Variants in TCF7L2 observed in about 807,000 individuals in gnomAD.
TCF7L2 encodes the protein transcription factor 7 like 2.
In TCF7L2, 23 loss-of-function variants were observed where a neutral mutation model predicts 77.9. That is an observed-to-expected ratio of 0.30 (90% CI 0.21 to 0.42). TCF7L2 has a LOEUF of 0.42. Ranked by LOEUF, TCF7L2 falls within the 10% of genes least tolerant of loss-of-function variation. The pLI is 1.00. For synonymous variants in TCF7L2, 413 were observed against 340.2 expected (o/e 1.21, Z -2.36); for missense variants, 654 against 793.1 (o/e 0.82, Z 2.11).
chr10:112,991,422 G>A lies in TCF7L2; in HGVS notation c.450+26798G>A, dbSNP rs1325016091. ...GCTCGGGAGTCTGAGGCAGGAGAAT[G>A]GCGTGAACCCGGGAGGCGGAGCTTG... On this transcript the variant is annotated intron_variant, in intron 4 of 13. Coordinates refer to ENST00000627217, the MANE Select transcript of TCF7L2 (RefSeq NM_001146274.2). Among the ~76,000 whole-genome samples the A allele has an allele frequency of 2.8e-5, 4 of 144,100 alleles. No homozygotes were observed. In the East Asian group the frequency reaches 7.8e-4, roughly 28 times the overall value. 94.5% of individuals were successfully genotyped at this position (144,100 alleles called of 152,430 possible).
intron 5 of TCF7L2, among the ~76,000 whole-genome samples, chr10:113,096,419 A>G (rs2060978872): frequency 1.3e-5 from 2 of 152,202 alleles, no homozygotes. Context: ...GGCCTGTCCT[A>G]TGGACCTTAT....
At chr10:113,064,492 G>A (rs1390943802) in intron 5 of TCF7L2, among the ~76,000 whole-genome samples, 1 of 152,140 alleles carries the variant, frequency 6.6e-6, no homozygotes, top group Non-Finnish European at 1.5e-5. Flanking sequence ...CTTTTATAAG[G>A]CAAATGCACA....
At chr10:113,035,634 C>T (rs945540935) in intron 4 of TCF7L2, among the ~76,000 whole-genome samples, 2 of 152,218 alleles carry the variant, frequency 1.3e-5, no homozygotes, top group Admixed American at 6.5e-5. Flanking sequence ...TGGCCTTAAG[C>T]AATCTTCCGG....
intron 5 of TCF7L2, among the ~76,000 whole-genome samples, chr10:113,051,040 A>G (rs1384961635): frequency 2.0e-5 from 3 of 148,690 alleles, no homozygotes; most frequent in Admixed American, 1.3e-4. Context: ...CTCCACCCTC[A>G]CTCTTTTTGT....
rs2137658759 is a variant in TCF7L2 at position 113,165,984 on chromosome 10, T to C, written c.*12T>C. 6.7e-7 allele frequency: 1 copy of C among 1,487,266 alleles called. No individual in the cohort carries two copies. Among genetic ancestry groups the C allele is most frequent in the African/African-American group, 1.4e-5 (1 of 71,228 alleles). The allele number at this position is 1,487,266 out of a possible 1,614,324, so 92.1% of individuals were successfully genotyped here. ...AGTCTTTAGAATAGCTTTAGCGTCG[T>C]GAACCCCGCTGCTTTGTTTATGGTT... On this transcript the variant is annotated 3_prime_UTR_variant, in exon 14 of 14. Coordinates refer to ENST00000627217, the MANE Select transcript of TCF7L2 (RefSeq NM_001146274.2).
Position 113,151,684 on chromosome 10 carries a change from G to T in TCF7L2, c.1002-41G>T. ...CCTGCCATGGAGGAAGTTGGACCAC[G>T]ACCTTGTTTATTGGGTTGCGTCTGT... On this transcript the variant is annotated intron_variant, in intron 9 of 13. Transcript: ENST00000627217. The surrounding 1 kb of genome is among the most constrained non-coding windows in gnomAD (Gnocchi z 5.2). The T allele has an allele frequency of 6.5e-7, 1 of 1,547,150 alleles. No individual in the cohort carries two copies. The highest frequency in any genetic ancestry group is 1.3e-5 in the South Asian group (1 of 76,872).
At chr10:113,044,587 G>C (rs146259135) in intron 5 of TCF7L2, among the ~76,000 whole-genome samples, 1 of 152,210 alleles carries the variant, frequency 6.6e-6, no homozygotes, top group Non-Finnish European at 1.5e-5. Context: ...AAAGAGTAGG[G>C]GGCCCATGAG....
intron 4 of TCF7L2, among the ~76,000 whole-genome samples, chr10:112,965,651 G>A (rs1589761668): frequency 6.6e-6 from 1 of 151,514 alleles, no homozygotes; most frequent in South Asian, 2.1e-4. Context: ...GTGTGTGTGT[G>A]TGTGTGTGTG....
chr10:112,964,816 G>GTGGT (rs1331506565), intron 4 of TCF7L2, among the ~76,000 whole-genome samples, 192 bp downstream of exon 4: 2 of 148,174 alleles, frequency 1.3e-5, no homozygotes, highest in East Asian at 2.1e-4. Flanking sequence ...TGGTGGTGGG[G>GTGGT]GGGGGTTGAA....
At chr10:112,954,663 A>G (rs1397775104) in intron 3 of TCF7L2, among the ~76,000 whole-genome samples, 2 of 152,234 alleles carry the variant, frequency 1.3e-5, no homozygotes, top group African/African-American at 4.8e-5. Context: ...AAAGATAAGA[A>G]TACTGTAACC....
intron 5 of TCF7L2, among the ~76,000 whole-genome samples, chr10:113,040,838 T>G (rs1357894255): frequency 1.3e-5 from 2 of 152,204 alleles, no homozygotes; most frequent in Non-Finnish European, 2.9e-5. Flanking sequence ...TAGCTCAGCC[T>G]TATTTGAAGA....
intron 5 of TCF7L2, among the ~76,000 whole-genome samples, chr10:113,121,379 C>G (rs1303618279): frequency 6.6e-6 from 1 of 152,232 alleles, no homozygotes; most frequent in Admixed American, 6.5e-5. Flanking sequence ...GATCAATCCT[C>G]TCGACATGAC....
intron 5 of TCF7L2, among the ~76,000 whole-genome samples, chr10:113,089,175 C>A (rs1269595201): frequency 6.6e-6 from 1 of 152,018 alleles, no homozygotes; most frequent in Non-Finnish European, 1.5e-5. Flanking sequence ...AGGAAGGCTG[C>A]CTGGAGGAGG....
At position 113,026,343 on chromosome 10, in the gene TCF7L2, T is replaced by G. The variant is rs537378465; in HGVS notation, c.451-13682T>G. ...ATTTTTTTTTTTTAAGTATTTTTAG[T>G]AGAGACAGAGTTTCAACAAGTTGGT... On this transcript the variant is annotated intron_variant, in intron 4 of 13. Coordinates refer to ENST00000627217, the MANE Select transcript of TCF7L2 (RefSeq NM_001146274.2). 6.0e-4 allele frequency among the ~76,000 whole-genome samples: 91 copies of G among 151,692 alleles called. 1 individual carries two copies. The South Asian group carries it at 0.019, about 32-fold the overall frequency.
At chr10:113,002,008 A>G (rs1480054925) in intron 4 of TCF7L2, among the ~76,000 whole-genome samples, 3 of 152,274 alleles carry the variant, frequency 2.0e-5, no homozygotes, top group African/African-American at 7.2e-5. Flanking sequence ...CAGTTTCTTC[A>G]TCTGTGAAAT....
intron 4 of TCF7L2, among the ~76,000 whole-genome samples, chr10:113,008,131 GTTTAA>G (rs2045889435): frequency 6.6e-6 from 1 of 152,178 alleles, no homozygotes; most frequent in Non-Finnish European, 1.5e-5. Context: ...TTTGGTTGTT[GTTTAA>G]TTTAACATTT....
At chr10:113,024,700 ACCT>A (rs2048836247) in intron 4 of TCF7L2, among the ~76,000 whole-genome samples, 1 of 146,388 alleles carries the variant, frequency 6.8e-6, no homozygotes, top group Non-Finnish European at 1.5e-5. Context: ...GCTCACTGCA[ACCT>A]CTACCTCCCA....
chr10:112,980,258 C>T (rs1451492563), intron 4 of TCF7L2, among the ~76,000 whole-genome samples: 1 of 152,188 alleles, frequency 6.6e-6, no homozygotes, highest in Non-Finnish European at 1.5e-5. Flanking sequence ...ATGTTGGGGG[C>T]AAGTCTTTTC....
intron 5 of TCF7L2, among the ~76,000 whole-genome samples, chr10:113,071,928 C>T (rs1483942589): frequency 1.3e-5 from 2 of 152,232 alleles, no homozygotes; most frequent in Non-Finnish European, 2.9e-5. Flanking sequence ...ATTGTGGGTG[C>T]ACTCTGCTTC....
Sources: allele counts gnomAD v4.1 joint callset (sites outside exome capture counted in the v4.1 genomes callset), GRCh38; gene constraint gnomAD v4.1.1; non-coding constraint Gnocchi (gnomAD v3.1); transcripts MANE v1.5; gene names NCBI Gene and HGNC (gene_info 2026-07-23, HGNC 2026-07-21).